The following ANKRD31 variants were observed in gnomAD, a reference collection of about 807,000 sequenced individuals.
ANKRD31 encodes ankyrin repeat domain 31.
Under a neutral mutation model 186.0 loss-of-function variants are expected in ANKRD31, and 147 were observed. The ratio of observed to expected loss-of-function variants is 0.79; its 90% CI spans 0.69 to 0.91. ANKRD31 has a LOEUF of 0.91. Among genes scored for constraint, ANKRD31 ranks in the 40% least tolerant of loss-of-function variants. ANKRD31 has a pLI of 0.00. For missense variants in ANKRD31, 1,986 were observed against 2,148.8 expected (o/e 0.92, Z 1.50); for synonymous variants, 673 against 736.4 (o/e 0.91, Z 1.39).
intron 24 of ANKRD31, among the ~76,000 whole-genome samples, chr5:75,081,592 C>T (rs1051666536): frequency 4.6e-5 from 7 of 152,088 alleles, no homozygotes; most frequent in African/African-American, 1.7e-4. Flanking sequence ...ACTTACTGCT[C>T]TGCTTCAACT....
chr5:75,075,112 C>A (rs1277197663), intron 25 of ANKRD31, among the ~76,000 whole-genome samples: 1 of 152,080 alleles, frequency 6.6e-6, no homozygotes, highest in African/African-American at 2.4e-5. Flanking sequence ...TAAATAATAA[C>A]CTGTAACTAC....
intron 20 of ANKRD31, among the ~76,000 whole-genome samples, chr5:75,111,902 C>T (rs1747818297): frequency 6.6e-6 from 1 of 152,128 alleles, no homozygotes; most frequent in African/African-American, 2.4e-5. Context: ...ACTGCTGCAC[C>T]ACCTTCCACT....
chr5:75,114,426 C>T (rs1748033521), intron 19 of ANKRD31, among the ~76,000 whole-genome samples: 1 of 152,208 alleles, frequency 6.6e-6, no homozygotes, highest in Non-Finnish European at 1.5e-5. Flanking sequence ...GAGTTAACCA[C>T]ATAGCATAAC....
intron 10 of ANKRD31, among the ~76,000 whole-genome samples, chr5:75,181,711 A>C (rs1580503888): frequency 7.6e-6 from 1 of 132,098 alleles, no homozygotes; most frequent in Admixed American, 8.4e-5. Flanking sequence ...AGGAAGGGGA[A>C]CATCACACAC....
At chr5:75,107,494 A>C (rs777252991) in intron 21 of ANKRD31, 27 bp downstream of exon 21, 87 of 1,401,530 alleles carry the variant, frequency 6.2e-5, no homozygotes, top group Admixed American at 4.9e-5. Context: ...ACTCAAAAGC[A>C]CTCTTTTTTT....
intron 3 of ANKRD31, among the ~76,000 whole-genome samples, chr5:75,213,436 A>C (rs1235311802): frequency 6.6e-6 from 1 of 152,172 alleles, no homozygotes; most frequent in Non-Finnish European, 1.5e-5. Context: ...GTAAGAAAGC[A>C]AGTAGGAAGG....
intron 9 of ANKRD31, among the ~76,000 whole-genome samples, chr5:75,191,854 A>T (rs974627128): frequency 2.0e-5 from 3 of 152,110 alleles, no homozygotes; most frequent in African/African-American, 7.2e-5. Flanking sequence ...ACATACATAT[A>T]TGTGAAAGGC....
chr5:75,181,215 C>T (rs1272706912), intron 10 of ANKRD31, among the ~76,000 whole-genome samples: 13 of 152,058 alleles, frequency 8.5e-5, no homozygotes, highest in Admixed American at 8.5e-4. Context: ...GAATGGTGAT[C>T]ATTAAAAAGT....
intron 17 of ANKRD31, among the ~76,000 whole-genome samples, chr5:75,118,658 C>A (rs1748497850): frequency 6.6e-6 from 1 of 152,120 alleles, no homozygotes; most frequent in Non-Finnish European, 1.5e-5. Context: ...TCACATGTGG[C>A]TTTTGAGCAT....
chr5:75,221,755 C>T (rs1254594820), intron 3 of ANKRD31, among the ~76,000 whole-genome samples: 1 of 152,100 alleles, frequency 6.6e-6, no homozygotes, highest in Non-Finnish European at 1.5e-5. Context: ...AATGTGAAGA[C>T]AATAGGATGA....
In ANKRD31 at chr5:75,146,856, G is replaced by A. The variant is rs1751478221; in HGVS notation, c.2555C>T (p.Thr852Ile). ...LHKEIKLPVV[T>I]TDKQPHTLQE... ...GAGAGTGTGAGGCTGCTTATCTGTA[G>A]TAACAACTGGTAACTTGATTTCTTT... Residue 852 changes from threonine to isoleucine, a missense_variant, in exon 14 of 26, where the codon ACT becomes ATT. Transcript: ENST00000506364. 3 of 1,536,230 alleles carry A rather than the reference G, an allele frequency of 2.0e-6. No individual in the cohort carries two copies. The South Asian group carries it at 3.6e-5, about 18-fold the overall frequency.
At chr5:75,204,800 A>G (rs1211531021) in intron 5 of ANKRD31, among the ~76,000 whole-genome samples, 1 of 152,226 alleles carries the variant, frequency 6.6e-6, no homozygotes, top group Non-Finnish European at 1.5e-5. Context: ...TTAAACAGTG[A>G]TAAACAAAAA....
Position 75,148,644 on chromosome 5 carries a change from G to A in ANKRD31, c.1853-16C>T. The A allele has an allele frequency of 6.6e-7, 1 of 1,511,230 alleles. No individual in the cohort carries two copies. The highest frequency in any genetic ancestry group is 8.8e-7 in the Non-Finnish European group (1 of 1,132,970). 93.6% of individuals were successfully genotyped at this position (1,511,230 alleles called of 1,614,324 possible). A position where few individuals can be genotyped will look rare whatever the true frequency, so the allele number is the denominator to read the frequency against. On this transcript the variant is annotated splice_polypyrimidine_tract_variant and intron_variant, in intron 12 of 25. Transcript: ENST00000506364. ...CTCCTTTGAGCTGTAAACAAAAAGA[G>A]AAAATCAATGAAAACAGCTTCTAGT...
At chr5:75,131,285 G>A (rs558136751) in intron 17 of ANKRD31, among the ~76,000 whole-genome samples, 9 of 152,306 alleles carry the variant, frequency 5.9e-5, no homozygotes, top group Admixed American at 2.6e-4. Flanking sequence ...TGCCGAGGCC[G>A]AGGAGGCACC....
At chr5:75,108,015 C>T (rs969028161) in intron 20 of ANKRD31, among the ~76,000 whole-genome samples, 2 of 151,810 alleles carry the variant, frequency 1.3e-5, no homozygotes, top group African/African-American at 2.4e-5. Context: ...TTTTTTCAAG[C>T]CATATAAATA....
At chr5:75,119,847 G>T (rs548832607) in intron 17 of ANKRD31, among the ~76,000 whole-genome samples, 9 of 151,976 alleles carry the variant, frequency 5.9e-5, no homozygotes, top group Non-Finnish European at 1.2e-4. Context: ...GATGACTAGT[G>T]GTACTGAACA....
intron 3 of ANKRD31, among the ~76,000 whole-genome samples, chr5:75,221,836 A>C (rs1157688493): frequency 6.6e-6 from 1 of 152,180 alleles, no homozygotes; most frequent in Non-Finnish European, 1.5e-5. Context: ...GATCTTCTTA[A>C]CATTTTCTTT....
chr5:75,077,143 A>G (rs1744709414), intron 25 of ANKRD31, among the ~76,000 whole-genome samples: 1 of 152,168 alleles, frequency 6.6e-6, no homozygotes, highest in Non-Finnish European at 1.5e-5. Context: ...ACCATAGCTC[A>G]CTGTAACCTC....
intron 16 of ANKRD31, among the ~76,000 whole-genome samples, chr5:75,138,480 A>G (rs887754281): frequency 6.6e-5 from 10 of 152,160 alleles, no homozygotes; most frequent in African/African-American, 2.2e-4. Flanking sequence ...AGAGAGAAAA[A>G]GGAACAGTAT....
Sources: allele counts gnomAD v4.1 joint callset (sites outside exome capture counted in the v4.1 genomes callset), GRCh38; gene constraint gnomAD v4.1.1; transcripts MANE v1.5; gene names NCBI Gene and HGNC (gene_info 2026-07-23, HGNC 2026-07-21).